UHMK1: variants seen among roughly 807,000 people sequenced by gnomAD.
UHMK1 encodes the protein U2AF homology motif kinase 1, also known as serine/threonine-protein kinase Kist.
Under a neutral mutation model 44.0 loss-of-function variants are expected in UHMK1, and 18 were observed. The observed-to-expected ratio is 0.41, with a 90% CI of 0.28 to 0.61. The LOEUF (loss-of-function observed/expected upper bound fraction) is 0.61. Among genes scored for constraint, UHMK1 ranks in the 20% least tolerant of loss-of-function variants. UHMK1 has a pLI of 0.31. For missense variants in UHMK1, 463 were observed against 522.5 expected (o/e 0.89, Z 1.11); for synonymous variants, 231 against 198.5 (o/e 1.16, Z -1.38).
intron 7 of UHMK1, among the ~76,000 whole-genome samples, chr1:162,522,120 A>G (rs957223891): frequency 1.3e-5 from 2 of 152,234 alleles, no homozygotes; most frequent in Non-Finnish European, 2.9e-5. Flanking sequence ...AAGATTGTAC[A>G]TGATTCACAC....
rs750810820 is a variant in UHMK1 at position 162,500,116 on chromosome 1, GAGGCCCTT to G, written c.431_438del (p.Glu144GlyfsTer6). 2 of 1,614,168 alleles carry G rather than the reference GAGGCCCTT, an allele frequency of 1.2e-6. No individual in the cohort carries two copies. The highest frequency in any genetic ancestry group is 2.2e-5 in the South Asian group (2 of 91,078). ...ACAGCATTGTGCCCGAGATGTTTTG[GAGGCCCTT>G]GCTTTTCTTCATCATGAGGGCTATG... On this transcript the variant is annotated frameshift_variant, in exon 2 of 8. Coordinates refer to ENST00000489294, the MANE Select transcript of UHMK1 (RefSeq NM_175866.5). LOFTEE classifies it high-confidence loss of function.
At chr1:162,497,709 C>T, upstream of UHMK1, 2 of 1,008,852 alleles carry the variant, frequency 2.0e-6, no homozygotes, top group Non-Finnish European at 2.6e-6. Context: ...TTCTTATTCT[C>T]GGTTCTTTTT....
intron 6 of UHMK1, among the ~76,000 whole-genome samples, chr1:162,515,183 CT>C (rs1651794316): frequency 6.6e-6 from 1 of 151,968 alleles, no homozygotes. Flanking sequence ...TTTATGTTTC[CT>C]TTTCCTTTTA....
At chr1:162,505,513 A>C (rs1313294813) in intron 4 of UHMK1, among the ~76,000 whole-genome samples, 1 of 152,178 alleles carries the variant, frequency 6.6e-6, no homozygotes, top group Non-Finnish European at 1.5e-5. Context: ...CTACCGCAAC[A>C]CCTGCATTAC....
intron 4 of UHMK1, among the ~76,000 whole-genome samples, chr1:162,509,511 CT>C (rs112674662): frequency 3.6e-4 from 55 of 152,152 alleles, no homozygotes; most frequent in African/African-American, 1.3e-3. Flanking sequence ...CAGTGAGTAC[CT>C]TTTGGCTGTT....
chr1:162,517,699 A>G (rs571520994), intron 6 of UHMK1, among the ~76,000 whole-genome samples: 6 of 152,182 alleles, frequency 3.9e-5, no homozygotes, highest in African/African-American at 9.6e-5. Flanking sequence ...AGCCTGGCCA[A>G]TATGGTGAAA....
rs1651431192 is a variant in UHMK1 at position 162,505,417 on chromosome 1, A to G, written c.848+1569A>G. Among the ~76,000 whole-genome samples the G allele has an allele frequency of 3.4e-5, 4 of 118,786 alleles. No individual in the cohort carries two copies. The South Asian group carries it at 1.0e-3, about 31-fold the overall frequency. 77.9% of individuals were successfully genotyped at this position (118,786 alleles called of 152,430 possible). A position where few individuals can be genotyped will look rare whatever the true frequency, so the allele number is the denominator to read the frequency against. ...CGATGTACTTTAAAGTAGGAATAAA[A>G]AAATATATAGTTATAAATACATAAG... On this transcript the variant is annotated intron_variant, in intron 4 of 7. Coordinates refer to ENST00000489294, the MANE Select transcript of UHMK1 (RefSeq NM_175866.5).
At chr1:162,503,430 T>A (rs1269086426) in intron 3 of UHMK1, among the ~76,000 whole-genome samples, 1 of 151,898 alleles carries the variant, frequency 6.6e-6, no homozygotes, top group African/African-American at 2.4e-5. Context: ...GGTAACATAG[T>A]GAAACCCCAT....
intron 4 of UHMK1, among the ~76,000 whole-genome samples, chr1:162,509,302 T>C (rs1394372471): frequency 6.6e-6 from 1 of 152,126 alleles, no homozygotes; most frequent in East Asian, 1.9e-4. Context: ...TCAATTTGGA[T>C]TGTGTTCCCA....
At chr1:162,506,797 G>A (rs1651485786) in intron 4 of UHMK1, among the ~76,000 whole-genome samples, 1 of 152,090 alleles carries the variant, frequency 6.6e-6, no homozygotes, top group South Asian at 2.1e-4. Flanking sequence ...CTGGGAGGTG[G>A]AGGTTGCAGT....
At chr1:162,497,669 G>A, upstream of UHMK1, 1 of 739,540 alleles carries the variant, frequency 1.4e-6, no homozygotes, top group Non-Finnish European at 1.9e-6. Flanking sequence ...ACTGGGCCTG[G>A]AATGGTAGAT....
chr1:162,500,411 G>T, intron 2 of UHMK1, 164 bp downstream of exon 2: 1 of 803,902 alleles, frequency 1.2e-6, no homozygotes, highest in Non-Finnish European at 1.9e-6. Context: ...CAGTGCCACC[G>T]TGTAAAAAAA....
At chr1:162,511,948 GTC>G (rs967039132) in intron 4 of UHMK1, among the ~76,000 whole-genome samples, 2 of 151,836 alleles carry the variant, frequency 1.3e-5, no homozygotes, top group Non-Finnish European at 2.9e-5. Context: ...CAGTCTGTGT[GTC>G]TGTTTTCATA....
chr1:162,505,456 T>C (rs1372643763), intron 4 of UHMK1, among the ~76,000 whole-genome samples: 1 of 152,236 alleles, frequency 6.6e-6, no homozygotes, highest in East Asian at 1.9e-4. Flanking sequence ...GTAACACAGC[T>C]ATGTATTGTC....
intron 7 of UHMK1, among the ~76,000 whole-genome samples, chr1:162,521,547 TC>T (rs1232456787): frequency 6.6e-6 from 1 of 152,222 alleles, no homozygotes; most frequent in Non-Finnish European, 1.5e-5. Context: ...AGCCTCGACT[TC>T]CTGAGCTCAA....
chr1:162,504,502 C>A (rs537418628), intron 4 of UHMK1, among the ~76,000 whole-genome samples: 1 of 152,112 alleles, frequency 6.6e-6, no homozygotes, highest in Non-Finnish European at 1.5e-5. Context: ...ACCTATATAG[C>A]GTGTTACTGT....
At chr1:162,511,624 T>C (rs1413115409) in intron 4 of UHMK1, among the ~76,000 whole-genome samples, 1 of 152,210 alleles carries the variant, frequency 6.6e-6, no homozygotes, top group Non-Finnish European at 1.5e-5. Context: ...TTGTCTGTTT[T>C]TGTTTTTGTT....
At chr1:162,499,137 CTT>C in intron 1 of UHMK1, among the ~76,000 whole-genome samples, 1 of 151,604 alleles carries the variant, frequency 6.6e-6, no homozygotes, top group East Asian at 1.9e-4. Flanking sequence ...GTCTTAATCT[CTT>C]TGTTAGTATT....
At chr1:162,516,574 C>G (rs1651841239) in intron 6 of UHMK1, among the ~76,000 whole-genome samples, 1 of 151,590 alleles carries the variant, frequency 6.6e-6, no homozygotes, top group Admixed American at 6.6e-5. Context: ...TTGAATATGG[C>G]AAAAAACTCA....
Sources: gnomAD v4.1 joint callset for allele counts (sites outside exome capture counted in the v4.1 genomes callset) on GRCh38, gnomAD v4.1.1 for gene constraint, MANE v1.5 for transcripts, NCBI Gene and HGNC (gene_info 2026-07-23, HGNC 2026-07-21) for gene names.